CNTNAP5: variants seen among roughly 807,000 people sequenced by gnomAD.
The protein encoded by CNTNAP5 is contactin-associated protein-like 5.
In CNTNAP5, 72 loss-of-function variants were observed where a neutral mutation model predicts 150.2. The ratio of observed to expected loss-of-function variants is 0.48; its 90% confidence interval spans 0.40 to 0.58. The LOEUF (loss-of-function observed/expected upper bound fraction) is 0.58, where lower values mean the gene tolerates loss of function less well. CNTNAP5 is among the 20% of genes least tolerant of loss of function. The pLI is 0.00. For synonymous variants in CNTNAP5, 672 were observed against 619.8 expected, an observed-to-expected ratio of 1.08 and a Z score of -1.25; for missense variants, 1,636 against 1,626.2, an observed-to-expected ratio of 1.01 and a Z score of -0.10.
intron 1 of CNTNAP5, among the ~76,000 whole-genome samples, chr2:124,046,820 G>A (rs531165075): frequency 6.6e-6 from 1 of 152,320 alleles, no homozygotes; most frequent in South Asian, 2.1e-4. Flanking sequence ...CATCCCCTGA[G>A]TGATACCATG....
chr2:124,600,833 A>C (rs1041827958), intron 11 of CNTNAP5, among the ~76,000 whole-genome samples: 1 of 152,138 alleles, frequency 6.6e-6, no homozygotes, highest in Non-Finnish European at 1.5e-5. Flanking sequence ...GAAAGCAGAA[A>C]GTGAGTAGAC....
intron 3 of CNTNAP5, among the ~76,000 whole-genome samples, chr2:124,243,636 A>ACAAAC (rs1394597714): frequency 6.6e-6 from 1 of 152,152 alleles, no homozygotes; most frequent in Non-Finnish European, 1.5e-5. Context: ...AAGAGGGGAA[A>ACAAAC]ATAGACACCA....
intron 3 of CNTNAP5, among the ~76,000 whole-genome samples, chr2:124,346,073 G>A (rs1689730765): frequency 6.6e-6 from 1 of 152,172 alleles, no homozygotes; most frequent in Non-Finnish European, 1.5e-5. Flanking sequence ...GTTGAAGTTT[G>A]TGAATGGTTT....
At chr2:124,101,985 G>C (rs1332232009) in intron 1 of CNTNAP5, among the ~76,000 whole-genome samples, 1 of 152,124 alleles carries the variant, frequency 6.6e-6, no homozygotes, top group East Asian at 1.9e-4. Flanking sequence ...GTTGCTGACA[G>C]CGTATCACTG....
chr2:124,343,925 G>A (rs1181812643), intron 3 of CNTNAP5, among the ~76,000 whole-genome samples: 1 of 152,172 alleles, frequency 6.6e-6, no homozygotes, highest in Non-Finnish European at 1.5e-5. Context: ...AGATATGTGC[G>A]AAGAGGCCAA....
intron 12 of CNTNAP5, among the ~76,000 whole-genome samples, chr2:124,613,090 A>G (rs1369580903): frequency 6.6e-6 from 1 of 152,116 alleles, no homozygotes; most frequent in African/African-American, 2.4e-5. Context: ...AATAAAAGCA[A>G]AGCTCTGTGT....
At chr2:124,251,732 C>A (rs541443817) in intron 3 of CNTNAP5, among the ~76,000 whole-genome samples, 2 of 152,264 alleles carry the variant, frequency 1.3e-5, no homozygotes, top group South Asian at 4.1e-4. Context: ...CATGAAGTTT[C>A]TGACTTGTCA....
At chr2:124,146,307 C>T (rs1341321483) in intron 1 of CNTNAP5, among the ~76,000 whole-genome samples, 2 of 152,166 alleles carry the variant, frequency 1.3e-5, no homozygotes, top group Non-Finnish European at 2.9e-5. Context: ...TACACAAACA[C>T]AAAACCCTCC....
intron 3 of CNTNAP5, among the ~76,000 whole-genome samples, chr2:124,412,745 A>G (rs968753203): frequency 1.2e-4 from 13 of 110,612 alleles, no homozygotes; most frequent in South Asian, 7.1e-4. Context: ...TGGATTAAAG[A>G]TTTAAACGTT....
chr2:124,863,155 T>A (rs1474756360), intron 19 of CNTNAP5, among the ~76,000 whole-genome samples: 3 of 152,064 alleles, frequency 2.0e-5, no homozygotes, highest in Non-Finnish European at 2.9e-5. Flanking sequence ...GTTAAGAGAG[T>A]TCAACAGCCT....
chr2:124,506,083 T>C (rs1177388686), intron 8 of CNTNAP5, among the ~76,000 whole-genome samples: 4 of 151,930 alleles, frequency 2.6e-5, no homozygotes, highest in Non-Finnish European at 5.9e-5. Context: ...TATAAGTAGA[T>C]AGTTTATTTG....
chr2:124,911,176 G>A (rs1678645979), intron 22 of CNTNAP5, among the ~76,000 whole-genome samples: 1 of 151,924 alleles, frequency 6.6e-6, no homozygotes, highest in African/African-American at 2.4e-5. Flanking sequence ...GGGGACATTA[G>A]GAGCAGGGTG....
At chr2:124,804,202 C>T (rs1286722089) in intron 19 of CNTNAP5, among the ~76,000 whole-genome samples, 3 of 152,130 alleles carry the variant, frequency 2.0e-5, no homozygotes, top group African/African-American at 7.2e-5. Context: ...ACACTGTGAC[C>T]TCTAGAGGGC....
chr2:124,479,029 T>G lies in CNTNAP5; in HGVS notation c.1062+4147T>G, dbSNP rs563035582. Among the ~76,000 whole-genome samples the G allele has an allele frequency of 2.1e-3, 318 of 152,278 alleles. 2 individuals are homozygous for G. Among genetic ancestry groups the G allele is most frequent in the African/African-American group, 6.8e-3 (284 of 41,560 alleles). On this transcript the variant is annotated intron_variant, in intron 7 of 23. Transcript: ENST00000682447. Reference sequence around the variant, plus strand: ...AGCTGTTCCATAGGGATAATTCAATTTAGTCTTTATAGCTCGATTTGACTA... The same window carrying G: ...AGCTGTTCCATAGGGATAATTCAATGTAGTCTTTATAGCTCGATTTGACTA...
chr2:124,218,047 T>A (rs1315469213), intron 1 of CNTNAP5, among the ~76,000 whole-genome samples: 2 of 152,166 alleles, frequency 1.3e-5, no homozygotes, highest in Admixed American at 6.6e-5. Context: ...CAAACAAGTT[T>A]ATTGTTCTCA....
intron 1 of CNTNAP5, among the ~76,000 whole-genome samples, chr2:124,114,656 G>T (rs1683382166): frequency 6.6e-6 from 1 of 151,566 alleles, no homozygotes; most frequent in Non-Finnish European, 1.5e-5. Context: ...ACAATGCTCA[G>T]TAGAAGTAAG....
chr2:124,145,826 A>AAG (rs1558773912), intron 1 of CNTNAP5, among the ~76,000 whole-genome samples: 22 of 3,676 alleles, frequency 6.0e-3, no homozygotes, highest in East Asian at 0.02. Flanking sequence ...AAAAAAAAAA[A>AAG]AAGAAGAAAA....
intron 10 of CNTNAP5, among the ~76,000 whole-genome samples, chr2:124,532,130 T>C (rs1433182041): frequency 1.3e-5 from 2 of 152,066 alleles, no homozygotes; most frequent in East Asian, 1.9e-4. Context: ...AAGAGGTGAG[T>C]ACACAGCTCA....
intron 13 of CNTNAP5, among the ~76,000 whole-genome samples, chr2:124,724,960 A>C (rs1680125834): frequency 7.4e-6 from 1 of 134,406 alleles, no homozygotes; most frequent in Non-Finnish European, 1.6e-5. Context: ...AGATTCCACT[A>C]TATGAATTTC....
Sources: gnomAD v4.1 joint callset for allele counts (sites outside exome capture counted in the v4.1 genomes callset) on GRCh38, gnomAD v4.1.1 for gene constraint, MANE v1.5 for transcripts, NCBI Gene and HGNC (gene_info 2026-07-23, HGNC 2026-07-21) for gene names.